NTM: variants seen among roughly 807,000 people sequenced by gnomAD.
NTM encodes neurotrimin.
In NTM, 13 loss-of-function variants were observed where a neutral mutation model predicts 42.1. The observed-to-expected ratio is 0.31, with a 90% CI of 0.20 to 0.49. The LOEUF is 0.49. Among genes scored for constraint, NTM ranks in the 20% least tolerant of loss-of-function variants. The pLI is 0.99. For synonymous variants in NTM, 187 were observed against 179.2 expected (o/e 1.04, Z -0.35); for missense variants, 373 against 452.8 (o/e 0.82, Z 1.60).
intron 4 of NTM, among the ~76,000 whole-genome samples, chr11:132,243,507 G>A (rs139311127): frequency 3.9e-5 from 6 of 152,170 alleles, no homozygotes; most frequent in African/African-American, 1.2e-4. Flanking sequence ...TGCAGCAGAT[G>A]TGGCCTTCTG....
intron 1 of NTM, among the ~76,000 whole-genome samples, chr11:131,791,404 A>T (rs148094303): frequency 6.6e-6 from 1 of 152,208 alleles, no homozygotes. Context: ...ATTAAATGTA[A>T]TGAGTGAGTG....
chr11:131,675,845 A>G (rs761051366), intron 1 of NTM, among the ~76,000 whole-genome samples: 1 of 152,226 alleles, frequency 6.6e-6, no homozygotes, highest in African/African-American at 2.4e-5. Context: ...TAAATCCCCT[A>G]AAAGAAAATG....
chr11:132,155,591 T>A (rs1340485393), intron 3 of NTM, among the ~76,000 whole-genome samples: 1 of 152,210 alleles, frequency 6.6e-6, no homozygotes, highest in Non-Finnish European at 1.5e-5. Flanking sequence ...CTTCCTCAGC[T>A]CTCTTGCCAC....
chr11:131,546,982 A>T (rs1290763360), intron 1 of NTM, among the ~76,000 whole-genome samples: 6 of 151,976 alleles, frequency 3.9e-5, no homozygotes, highest in African/African-American at 1.5e-4. Context: ...CATGCCTCTG[A>T]GTTACTGTTC....
At chr11:132,189,580 T>A (rs964453882) in intron 3 of NTM, among the ~76,000 whole-genome samples, 51 of 152,114 alleles carry the variant, frequency 3.4e-4, no homozygotes, top group African/African-American at 1.2e-3. Context: ...TCTAGCTTCA[T>A]GGCAAGCAGC....
At chr11:131,807,034 G>A (rs145455337) in intron 1 of NTM, among the ~76,000 whole-genome samples, 3 of 152,322 alleles carry the variant, frequency 2.0e-5, no homozygotes, top group African/African-American at 7.2e-5. Context: ...CATGGGAAAA[G>A]CGTTTTAGGC....
intron 3 of NTM, among the ~76,000 whole-genome samples, chr11:132,147,670 G>T (rs2070838565): frequency 6.6e-6 from 1 of 152,072 alleles, no homozygotes; most frequent in Non-Finnish European, 1.5e-5. Context: ...CGGCATGCCA[G>T]ATCCAGTGCT....
chr11:132,318,443 G>A (rs564660524), intron 7 of NTM, among the ~76,000 whole-genome samples: 1 of 152,190 alleles, frequency 6.6e-6, no homozygotes, highest in African/African-American at 2.4e-5. Context: ...ACATCATAGG[G>A]GGTCCTTCAC....
At chr11:132,124,630 C>T (rs760336378) in intron 2 of NTM, among the ~76,000 whole-genome samples, 7 of 152,070 alleles carry the variant, frequency 4.6e-5, no homozygotes, top group Non-Finnish European at 1.0e-4. Flanking sequence ...TGTGCGCGCG[C>T]ACGCGCAGGG....
intron 1 of NTM, among the ~76,000 whole-genome samples, chr11:131,530,463 TG>T (rs952530071): frequency 6.1e-5 from 9 of 148,478 alleles, no homozygotes; most frequent in Non-Finnish European, 1.2e-4. Context: ...GTTCTTTTAC[TG>T]GGGGACTTGA....
intron 2 of NTM, among the ~76,000 whole-genome samples, chr11:131,997,903 C>T (rs2068379655): frequency 6.6e-6 from 1 of 152,080 alleles, no homozygotes; most frequent in Admixed American, 6.5e-5. Flanking sequence ...TGCTGAAGAA[C>T]CCTAAAGCCA....
At chr11:132,110,557 T>C (rs1731333537) in intron 2 of NTM, among the ~76,000 whole-genome samples, 1 of 152,220 alleles carries the variant, frequency 6.6e-6, no homozygotes, top group African/African-American at 2.4e-5. Context: ...TTCAATCATA[T>C]CCATGTTTGG....
At chr11:131,880,524 T>C (rs1277936755) in intron 1 of NTM, among the ~76,000 whole-genome samples, 9 of 152,210 alleles carry the variant, frequency 5.9e-5, no homozygotes, top group Non-Finnish European at 2.9e-5. Flanking sequence ...GAGAAGCTCC[T>C]CACACAGAGA....
At chr11:132,123,671 G>C (rs78591276) in intron 2 of NTM, among the ~76,000 whole-genome samples, 2 of 152,172 alleles carry the variant, frequency 1.3e-5, no homozygotes, top group Non-Finnish European at 2.9e-5. Flanking sequence ...AGTACCTGCC[G>C]TGAGACCAGC....
At chr11:131,982,143 C>T (rs1031158720) in intron 2 of NTM, among the ~76,000 whole-genome samples, 2 of 151,906 alleles carry the variant, frequency 1.3e-5, no homozygotes, top group African/African-American at 4.8e-5. Context: ...GCCCATCTGC[C>T]CAAGGGGAAA....
intron 4 of NTM, among the ~76,000 whole-genome samples, chr11:132,278,082 G>T (rs1008165286): frequency 8.5e-5 from 13 of 152,290 alleles, no homozygotes; most frequent in African/African-American, 2.9e-4. Flanking sequence ...CCTTCTGGTT[G>T]CCAAGTCCAA....
intron 1 of NTM, among the ~76,000 whole-genome samples, chr11:131,642,597 C>T (rs1278859849): frequency 1.3e-5 from 2 of 152,272 alleles, no homozygotes; most frequent in Admixed American, 6.5e-5. Context: ...AGTTTTGCTA[C>T]AGACATGGCC....
At chr11:132,231,862 A>AT (rs11462820) in intron 4 of NTM, among the ~76,000 whole-genome samples, 75,769 of 151,998 alleles carry the variant, frequency 0.5, 19,471 homozygotes, top group African/African-American at 0.62. Flanking sequence ...CTCATTTGAT[A>AT]TTAAACATCA....
At chr11:131,842,990 A>G (rs2044459372) in intron 1 of NTM, among the ~76,000 whole-genome samples, 1 of 152,148 alleles carries the variant, frequency 6.6e-6, no homozygotes, top group Admixed American at 6.6e-5. Flanking sequence ...AGCCTGGGTG[A>G]TAAAGCAAGA....
Sources: allele counts gnomAD v4.1 joint callset (sites outside exome capture counted in the v4.1 genomes callset), GRCh38; gene constraint gnomAD v4.1.1; transcripts MANE v1.5; gene names NCBI Gene and HGNC (gene_info 2026-07-23, HGNC 2026-07-21).